Variants in MBNL1 observed in about 807,000 individuals in gnomAD.
MBNL1 encodes muscleblind like splicing regulator 1, also known as muscleblind-like protein 1.
Under a neutral mutation model 42.2 loss-of-function variants are expected in MBNL1, and 8 were observed. The ratio of observed to expected loss-of-function variants is 0.19; its 90% CI spans 0.11 to 0.34. The LOEUF (loss-of-function observed/expected upper bound fraction) is 0.34, where lower values mean the gene tolerates loss of function less well. Ranked by LOEUF, MBNL1 falls within the 10% of genes least tolerant of loss-of-function variation. The probability of loss-of-function intolerance (pLI) is 1.00; values close to 1 mark genes in which losing one functional copy is unlikely to be tolerated. For synonymous variants in MBNL1, 169 were observed against 173.9 expected (o/e 0.97, Z 0.22); for missense variants, 309 against 495.3 (o/e 0.62, Z 3.57).
In MBNL1 at chr3:152,401,496, G is replaced by A. The variant is rs1579589278; in HGVS notation, c.175-13445G>A. Among the ~76,000 whole-genome samples the A allele has an allele frequency of 2.6e-5, 4 of 152,106 alleles. 1 individual carries two copies. In the South Asian group the frequency reaches 8.3e-4, roughly 32 times the overall value. ...TGAACATGAGTTGATTCTTACTTTG[G>A]CCTGAGGAAAGCTTTGTCACAGCTA... On this transcript the variant is annotated intron_variant, in intron 2 of 9. Transcript: ENST00000324210.
At chr3:152,356,856 A>AGTGTGT (rs59868027) in intron 2 of MBNL1, among the ~76,000 whole-genome samples, 11,044 of 149,440 alleles carry the variant, frequency 0.074, 509 homozygotes, top group Middle Eastern at 0.16. Flanking sequence ...ATATGTGTGT[A>AGTGTGT]GTGTGTGTGT....
chr3:152,434,947 T>C (rs753781737), intron 4 of MBNL1, among the ~76,000 whole-genome samples: 4 of 152,220 alleles, frequency 2.6e-5, no homozygotes, highest in Non-Finnish European at 4.4e-5. Flanking sequence ...TATTAGACCT[T>C]TGTGGGATGC....
chr3:152,385,772 A>G (rs2097387519), intron 2 of MBNL1, among the ~76,000 whole-genome samples: 1 of 152,044 alleles, frequency 6.6e-6, no homozygotes, highest in African/African-American at 2.4e-5. Context: ...TCTACCAAAC[A>G]TTAATATTTA....
upstream of MBNL1, chr3:152,267,536 A>C (rs934799763): frequency 2.0e-5 from 3 of 152,206 alleles, no homozygotes; most frequent in Non-Finnish European, 1.5e-5. Context: ...CTTGGGGTAG[A>C]TACTAATGGG....
At chr3:152,457,670 T>C (rs1580869284) in intron 8 of MBNL1, 1 of 156,734 alleles carries the variant, frequency 6.4e-6, no homozygotes, top group African/African-American at 2.4e-5. Flanking sequence ...AGATTGTGCA[T>C]ATGTGGCATG....
chr3:152,368,084 C>G (rs144186903), intron 2 of MBNL1, among the ~76,000 whole-genome samples: 16 of 152,030 alleles, frequency 1.1e-4, no homozygotes, highest in Middle Eastern at 3.4e-3. Context: ...AAGTCTTTGC[C>G]CATGCGTATG....
At chr3:152,403,725 A>G (rs577671833) in intron 2 of MBNL1, among the ~76,000 whole-genome samples, 2 of 152,206 alleles carry the variant, frequency 1.3e-5, no homozygotes, top group East Asian at 3.9e-4. Flanking sequence ...TTTTGCCTCA[A>G]GAGATTTTCT....
intron 2 of MBNL1, among the ~76,000 whole-genome samples, chr3:152,254,553 A>AT (rs1330229606): frequency 6.6e-6 from 1 of 152,016 alleles, no homozygotes; most frequent in African/African-American, 2.4e-5. Flanking sequence ...TATTTTCAAT[A>AT]TTTTTTTGTA....
At chr3:152,341,481 A>G (rs1359951850) in intron 2 of MBNL1, among the ~76,000 whole-genome samples, 1 of 152,206 alleles carries the variant, frequency 6.6e-6, no homozygotes, top group East Asian at 1.9e-4. Flanking sequence ...GTGAGTGTTA[A>G]TTCTCAAAAT....
chr3:152,422,268 C>A (rs372959026), intron 3 of MBNL1, among the ~76,000 whole-genome samples: 1,201 of 101,928 alleles, frequency 0.012, no homozygotes, highest in Non-Finnish European at 0.013. Flanking sequence ...AAATGGAAAG[C>A]AAAAAAAAAA....
At chr3:152,251,824 C>T (rs2034599943) in intron 2 of MBNL1, among the ~76,000 whole-genome samples, 1 of 151,904 alleles carries the variant, frequency 6.6e-6, no homozygotes, top group Non-Finnish European at 1.5e-5. Context: ...ATAATGATGG[C>T]TCCTCATCAA....
intron 1 of MBNL1, among the ~76,000 whole-genome samples, chr3:152,298,654 T>C (rs776555137): frequency 2.0e-5 from 3 of 152,236 alleles, no homozygotes; most frequent in African/African-American, 2.4e-5. Flanking sequence ...GCCTGTGATA[T>C]ATTGACAAAG....
At chr3:152,354,273 A>G (rs1302595581) in intron 2 of MBNL1, among the ~76,000 whole-genome samples, 2 of 152,180 alleles carry the variant, frequency 1.3e-5, no homozygotes, top group African/African-American at 2.4e-5. Flanking sequence ...TGGGCAACAT[A>G]GCAAGACCCT....
intron 5 of MBNL1, 44 bp from the exon 6 acceptor site, chr3:152,447,576 C>A: frequency 6.9e-7 from 1 of 1,445,636 alleles, no homozygotes; most frequent in African/African-American, 1.5e-5. Context: ...TTTTCTTTTT[C>A]TCTTTTTACT....
Position 152,433,698 on chromosome 3 carries a change from C to T in MBNL1, c.549+778C>T, listed in dbSNP as rs926682879. 6.9e-5 allele frequency among the ~76,000 whole-genome samples: 10 copies of T among 145,830 alleles called. No individual in the cohort carries two copies. In the East Asian group the frequency reaches 8.1e-4, roughly 12 times the overall value. On this transcript the variant is annotated intron_variant, in intron 4 of 9. Coordinates refer to ENST00000324210, the MANE Select transcript of MBNL1 (RefSeq NM_021038.5). ...CCGGGAGGCAGAGCTTGCAGTGAGC[C>T]GAGATCGCGCCACTGCACTCCAGCC...
At chr3:152,257,090 G>T (rs1463781069) in intron 2 of MBNL1, among the ~76,000 whole-genome samples, 1 of 152,102 alleles carries the variant, frequency 6.6e-6, no homozygotes, top group African/African-American at 2.4e-5. Flanking sequence ...ATATATGTGG[G>T]TATGATGACC....
chr3:152,300,716 A>G (rs1001835853), intron 2 of MBNL1, among the ~76,000 whole-genome samples: 4 of 152,244 alleles, frequency 2.6e-5, no homozygotes, highest in Admixed American at 6.5e-5. Context: ...ATATAAGGCC[A>G]TGGCAATAGC....
chr3:152,338,346 A>T, intron 2 of MBNL1: 1 of 985,402 alleles, frequency 1.0e-6, no homozygotes, highest in South Asian at 4.7e-5. Flanking sequence ...GTCCATTGAC[A>T]GAACCTTGGG....
At chr3:152,345,696 A>G (rs997763253) in intron 2 of MBNL1, among the ~76,000 whole-genome samples, 2 of 152,150 alleles carry the variant, frequency 1.3e-5, no homozygotes, top group Non-Finnish European at 2.9e-5. Flanking sequence ...ATTTCCAAGT[A>G]GAACTGCAAA....
Sources: allele counts gnomAD v4.1 joint callset (sites outside exome capture counted in the v4.1 genomes callset), GRCh38; gene constraint gnomAD v4.1.1; transcripts MANE v1.5; gene names NCBI Gene and HGNC (gene_info 2026-07-23, HGNC 2026-07-21).